The following ENTREP2 variants were observed in gnomAD, a reference collection of about 807,000 sequenced individuals.
ENTREP2 encodes protein ENTREP2.
chr15:29,206,997 G>A, the ENTREP2 span, among the ~76,000 whole-genome samples: 4 of 152,106 alleles, frequency 2.6e-5, no homozygotes, highest in African/African-American at 9.7e-5. Flanking sequence ...GGCCAACATA[G>A]ACATGCTCCG....
chr15:29,421,855 A>G, the ENTREP2 span, among the ~76,000 whole-genome samples: 1 of 152,246 alleles, frequency 6.6e-6, no homozygotes, highest in African/African-American at 2.4e-5. Context: ...AAAAGGATTA[A>G]CATCAGCTAA....
the ENTREP2 span, among the ~76,000 whole-genome samples, chr15:29,293,374 A>G: frequency 1.3e-5 from 2 of 151,220 alleles, no homozygotes; most frequent in East Asian, 3.9e-4. Flanking sequence ...CAGCCTCCTG[A>G]GTAGCTGGGA....
At chr15:29,577,598 C>T in the ENTREP2 span, among the ~76,000 whole-genome samples, 2 of 152,102 alleles carry the variant, frequency 1.3e-5, no homozygotes, top group Admixed American at 1.3e-4. Flanking sequence ...AAGCAATCCA[C>T]CTGTCTTGGC....
the ENTREP2 span, among the ~76,000 whole-genome samples, chr15:29,364,834 T>A: frequency 0.011 from 1,620 of 152,192 alleles, 44 homozygotes; most frequent in African/African-American, 0.037. Context: ...ACTCCCTCCC[T>A]CCCCAGAGGC....
the ENTREP2 span, among the ~76,000 whole-genome samples, chr15:29,129,873 C>T: frequency 1.6e-3 from 237 of 152,242 alleles, no homozygotes; most frequent in African/African-American, 5.5e-3. Flanking sequence ...CATGCTACCT[C>T]AGAAAACAAT....
the ENTREP2 span, among the ~76,000 whole-genome samples, chr15:29,568,533 T>A: frequency 1.6e-4 from 24 of 150,318 alleles, no homozygotes; most frequent in Admixed American, 3.3e-4. Flanking sequence ...CCCCATCTCT[T>A]AAAAAAAAAA....
the ENTREP2 span, among the ~76,000 whole-genome samples, chr15:29,158,808 T>A: frequency 9.1e-3 from 1,393 of 152,266 alleles, 19 homozygotes; most frequent in African/African-American, 0.031. Context: ...TTATTAATGT[T>A]ATAAAGTTAA....
the ENTREP2 span, among the ~76,000 whole-genome samples, chr15:29,167,528 A>C: frequency 6.6e-6 from 1 of 152,266 alleles, no homozygotes; most frequent in Non-Finnish European, 1.5e-5. Context: ...ACAATTCTCA[A>C]AAGAAGATAT....
At chr15:29,517,315 A>G in the ENTREP2 span, among the ~76,000 whole-genome samples, 2 of 152,314 alleles carry the variant, frequency 1.3e-5, no homozygotes, top group South Asian at 4.1e-4. Flanking sequence ...TAATTCTACA[A>G]GATACTGCTA....
the ENTREP2 span, chr15:29,117,945 C>A: frequency 6.6e-6 from 1 of 152,206 alleles, no homozygotes; most frequent in Non-Finnish European, 1.5e-5. Flanking sequence ...CATCCACGCA[C>A]ATGCGACCCC....
chr15:29,151,767 A>G, the ENTREP2 span: 2 of 1,551,670 alleles, frequency 1.3e-6, no homozygotes, highest in African/African-American at 2.7e-5. Flanking sequence ...CCATCTGCAT[A>G]CAGCACATGG....
chr15:29,327,094 T>G, the ENTREP2 span, among the ~76,000 whole-genome samples: 1 of 152,060 alleles, frequency 6.6e-6, no homozygotes, highest in Non-Finnish European at 1.5e-5. Context: ...AAATGTAAAA[T>G]GCAGAACTAT....
the ENTREP2 span, among the ~76,000 whole-genome samples, chr15:29,579,686 A>ATT: frequency 2.7e-3 from 149 of 55,820 alleles, 7 homozygotes; most frequent in African/African-American, 4.3e-3. Context: ...CACCCAGCTA[A>ATT]TTTTTTTTTT....
At chr15:29,655,264 T>A in the ENTREP2 span, among the ~76,000 whole-genome samples, 1 of 152,182 alleles carries the variant, frequency 6.6e-6, no homozygotes, top group Non-Finnish European at 1.5e-5. Context: ...AACTCTCTGG[T>A]AGCACAACCC....
the ENTREP2 span, among the ~76,000 whole-genome samples, chr15:29,323,191 G>C: frequency 6.6e-6 from 1 of 152,122 alleles, no homozygotes; most frequent in South Asian, 2.1e-4. Flanking sequence ...TTCAGGATGG[G>C]GTTGCTCACT....
the ENTREP2 span, among the ~76,000 whole-genome samples, chr15:29,534,272 G>A: frequency 6.6e-6 from 1 of 152,122 alleles, no homozygotes; most frequent in African/African-American, 2.4e-5. Context: ...GTGTCTGAGA[G>A]GATGGAGAAA....
the ENTREP2 span, among the ~76,000 whole-genome samples, chr15:29,457,536 G>A: frequency 2.6e-5 from 4 of 152,168 alleles, no homozygotes; most frequent in South Asian, 2.1e-4. Flanking sequence ...ACAGGTGCTC[G>A]GGGCAGAGGC....
the ENTREP2 span, among the ~76,000 whole-genome samples, chr15:29,475,697 C>G: frequency 6.6e-6 from 1 of 152,150 alleles, no homozygotes. Flanking sequence ...GCCGTACCAT[C>G]CCGCAGAGGG....
the ENTREP2 span, among the ~76,000 whole-genome samples, chr15:29,540,305 T>C: frequency 1.3e-5 from 2 of 152,352 alleles, no homozygotes; most frequent in South Asian, 2.1e-4. Context: ...TTGTTAACTA[T>C]AGCCACTCTA....
Sources: gnomAD v4.1 joint callset for allele counts (sites outside exome capture counted in the v4.1 genomes callset) on GRCh38, gnomAD v4.1.1 for gene constraint, MANE v1.5 for transcripts, NCBI Gene and HGNC (gene_info 2026-07-23, HGNC 2026-07-21) for gene names.